TUBD1: variants seen among roughly 807,000 people sequenced by gnomAD.
TUBD1 encodes tubulin delta 1.
TUBD1 carries 38 observed loss-of-function variants against 51.2 expected under a neutral mutation model. The ratio of observed to expected loss-of-function variants is 0.74; its 90% confidence interval spans 0.57 to 0.97. TUBD1 has a LOEUF of 0.97. TUBD1 is among the 50% of genes least tolerant of loss of function. The pLI is 0.00. For synonymous variants in TUBD1, 169 were observed against 178.2 expected (o/e 0.95, Z 0.41); for missense variants, 489 against 538.4 (o/e 0.91, Z 0.91).
intron 7 of TUBD1, among the ~76,000 whole-genome samples, chr17:59,864,918 A>G (rs919734624): frequency 6.6e-6 from 1 of 151,966 alleles, no homozygotes; most frequent in African/African-American, 2.4e-5. Flanking sequence ...CAGTAGCACC[A>G]CCATCATTGG....
At chr17:59,879,835 CCT>C (rs2040402357) in intron 4 of TUBD1, among the ~76,000 whole-genome samples, 1 of 151,788 alleles carries the variant, frequency 6.6e-6, no homozygotes, top group Non-Finnish European at 1.5e-5. Context: ...CTCACTGGAA[CCT>C]CTGTCTCCCG....
chr17:59,862,826 G>A (rs113246589), intron 8 of TUBD1, among the ~76,000 whole-genome samples: 3,366 of 141,498 alleles, frequency 0.024, 58 homozygotes, highest in Middle Eastern at 0.038. Context: ...CCGGGTTCAC[G>A]CCATTCTCCT....
chr17:59,874,805 T>C (rs1397662353), intron 5 of TUBD1, 102 bp from the exon 6 acceptor site: 3 of 932,598 alleles, frequency 3.2e-6, no homozygotes, highest in African/African-American at 1.7e-5. Flanking sequence ...CCAAATGTTT[T>C]TTCTCTTCTC....
chr17:59,879,302 C>T (rs1337693905), intron 4 of TUBD1, among the ~76,000 whole-genome samples: 1 of 151,776 alleles, frequency 6.6e-6, no homozygotes, highest in Non-Finnish European at 1.5e-5. Context: ...AAATTTTCTC[C>T]CAATGGAAAG....
chr17:59,865,781 A>G (rs1023610786), intron 7 of TUBD1, among the ~76,000 whole-genome samples: 1 of 151,968 alleles, frequency 6.6e-6, no homozygotes, highest in Non-Finnish European at 1.5e-5. Context: ...AGTCAATGGG[A>G]CAGAAATTCA....
At chr17:59,874,758 T>A in intron 5 of TUBD1, 55 bp from the exon 6 acceptor site, 1 of 1,437,100 alleles carries the variant, frequency 7.0e-7, no homozygotes, top group Non-Finnish European at 9.6e-7. Flanking sequence ...TTGTTGCCAA[T>A]AGTCTATATA....
At chr17:59,871,389 C>T (rs1048250310) in intron 6 of TUBD1, among the ~76,000 whole-genome samples, 14 of 151,950 alleles carry the variant, frequency 9.2e-5, no homozygotes, top group South Asian at 6.2e-4. Context: ...TTAGTAGAGA[C>T]GGGGTTTCAC....
chr17:59,860,621 C>G (rs1022757262), intron 8 of TUBD1, among the ~76,000 whole-genome samples, 197 bp from the exon 9 acceptor site: 1 of 151,228 alleles, frequency 6.6e-6, no homozygotes, highest in African/African-American at 2.4e-5. Context: ...GAGTCTTGCT[C>G]TGTCACCTAG....
chr17:59,890,211 G>T (rs2144587789), intron 2 of TUBD1, among the ~76,000 whole-genome samples: 1 of 152,246 alleles, frequency 6.6e-6, no homozygotes, highest in East Asian at 1.9e-4. Flanking sequence ...GATGCTATGT[G>T]GGGCAGAAGC....
At chr17:59,873,911 C>T (rs942569208) in intron 6 of TUBD1, among the ~76,000 whole-genome samples, 3 of 150,894 alleles carry the variant, frequency 2.0e-5, no homozygotes, top group East Asian at 1.9e-4. Context: ...TATAATTGGC[C>T]GGGCACGGTG....
At chr17:59,875,908 T>C (rs752237905) in intron 5 of TUBD1, among the ~76,000 whole-genome samples, 1 of 152,150 alleles carries the variant, frequency 6.6e-6, no homozygotes, top group African/African-American at 2.4e-5. Context: ...CTCATATGTT[T>C]ATAGAAAATA....
rs181618238 is a variant in TUBD1, at chr17:59,878,952, T to C, written c.538-618A>G. ...GTCTCACCTGATTTGTTTCTTCAGC[T>C]AGGTTGATCAACAGGAAATTGGCTT... is the stretch of plus-strand genomic sequence containing the variant. On this transcript the variant is annotated intron_variant, in intron 4 of 8. Transcript: ENST00000325752. Among the ~76,000 whole-genome samples, 33 of 152,272 alleles carry C rather than the reference T, an allele frequency of 2.2e-4. No individual in the cohort carries two copies. In the East Asian group the frequency reaches 6.4e-3, roughly 29 times the overall value.
intron 5 of TUBD1, among the ~76,000 whole-genome samples, chr17:59,877,365 C>T (rs546357090): frequency 2.0e-5 from 3 of 152,190 alleles, no homozygotes; most frequent in Admixed American, 6.6e-5. Flanking sequence ...AATGCTGACG[C>T]GCACATTGAC....
intron 4 of TUBD1, among the ~76,000 whole-genome samples, chr17:59,880,060 TAAAA>T (rs199910355): frequency 6.7e-6 from 1 of 149,136 alleles, no homozygotes; most frequent in Non-Finnish European, 1.5e-5. Flanking sequence ...GCCATTCTCT[TAAAA>T]AAATTTTTTT....
At chr17:59,883,469 T>C (rs1352165677) in intron 3 of TUBD1, among the ~76,000 whole-genome samples, 8 of 152,224 alleles carry the variant, frequency 5.3e-5, no homozygotes, top group Admixed American at 5.2e-4. Context: ...GGTTTTACCA[T>C]GTTGGCCAGG....
chr17:59,860,529 A>G (rs1214538190), intron 8 of TUBD1, 105 bp from the exon 9 acceptor site: 6 of 692,266 alleles, frequency 8.7e-6, no homozygotes, highest in Non-Finnish European at 1.5e-5. Flanking sequence ...GAACATTTGA[A>G]GATCACACAA....
chr17:59,862,983 C>T (rs189517323), intron 8 of TUBD1, among the ~76,000 whole-genome samples: 36 of 152,186 alleles, frequency 2.4e-4, no homozygotes, highest in African/African-American at 7.2e-4. Flanking sequence ...GCCTCAGCCT[C>T]CCAAAGTGCT....
Position 59,886,251 on chromosome 17 carries a change from A to G in TUBD1, c.173-21T>C, listed in dbSNP as rs140431313. The G allele has an allele frequency of 2.8e-5, 44 of 1,597,804 alleles. No homozygotes were observed. The African/African-American group carries it at 5.3e-4, about 19-fold the overall frequency. On this transcript the variant is annotated intron_variant, in intron 2 of 8. Coordinates refer to ENST00000325752, the MANE Select transcript of TUBD1 (RefSeq NM_016261.4). ...TGGAACTAGAGGGGGAAAAAAACCC[A>G]AAAACATCGAAAGAAAAAAAGATTT...
intron 8 of TUBD1, 45 bp downstream of exon 8, chr17:59,863,616 CAAA>C (rs377342839): frequency 6.2e-3 from 6,967 of 1,125,272 alleles, no homozygotes; most frequent in South Asian, 0.013. Context: ...GACTCTGTCT[CAAA>C]AAAAAAAAAA....
Sources: gnomAD v4.1 joint callset for allele counts (sites outside exome capture counted in the v4.1 genomes callset) on GRCh38, gnomAD v4.1.1 for gene constraint, MANE v1.5 for transcripts, NCBI Gene and HGNC (gene_info 2026-07-23, HGNC 2026-07-21) for gene names.